The following NRG1 variants were observed in gnomAD, a reference collection of about 807,000 sequenced individuals.
The protein encoded by NRG1 is pro-neuregulin-1, membrane-bound isoform.
NRG1 carries 18 observed loss-of-function variants against 63.8 expected under a neutral mutation model. The observed-to-expected ratio is 0.28, with a 90% CI of 0.19 to 0.42. The LOEUF is 0.42. Ranked by LOEUF, NRG1 falls within the 10% of genes least tolerant of loss-of-function variation. The pLI, the probability that NRG1 is intolerant of heterozygous loss-of-function variation, is 1.00. For missense variants in NRG1, 762 were observed against 814.7 expected (o/e 0.94, Z 0.79); for synonymous variants, 302 against 301.3 (o/e 1.00, Z -0.02).
chr8:31,935,561 A>G (rs1835232929), intron 1 of NRG1, among the ~76,000 whole-genome samples: 1 of 152,116 alleles, frequency 6.6e-6, no homozygotes, highest in African/African-American at 2.4e-5. Flanking sequence ...TCAGCCTCTC[A>G]TTGTTTTCCA....
Position 32,683,887 on chromosome 8 carries a change from G to A in NRG1, c.503-44062G>A, listed in dbSNP as rs67024299. On this transcript the variant is annotated intron_variant, in intron 5 of 11. Transcript: ENST00000356819. ...CCTGAGCTCTTCTAATTTGCTTCTTGAAAAAAAAAAAAAAAAAGAAAATCT... is the reference window on the plus strand; with the variant it reads ...CCTGAGCTCTTCTAATTTGCTTCTTAAAAAAAAAAAAAAAAAAGAAAATCT... Among the ~76,000 whole-genome samples, 307 of 141,788 alleles carry A rather than the reference G, an allele frequency of 2.2e-3. 1 individual carries two copies. The highest frequency in any genetic ancestry group is 4.4e-3 in the African/African-American group (170 of 38,984). 93.0% of individuals were successfully genotyped at this position (141,788 alleles called of 152,430 possible).
At chr8:31,677,214 A>T (rs1020551285) in intron 1 of NRG1, among the ~76,000 whole-genome samples, 8 of 152,188 alleles carry the variant, frequency 5.3e-5, no homozygotes, top group Non-Finnish European at 1.0e-4. Context: ...CGCTTTTGAT[A>T]ATAATTCAAT....
At chr8:32,461,898 C>T (rs1302259154) in intron 1 of NRG1, among the ~76,000 whole-genome samples, 1 of 152,158 alleles carries the variant, frequency 6.6e-6, no homozygotes, top group Non-Finnish European at 1.5e-5. Context: ...GTTTACCTCT[C>T]TAGGCTTCAG....
intron 5 of NRG1, among the ~76,000 whole-genome samples, chr8:32,677,097 T>TAG (rs770133005): frequency 1.1e-4 from 17 of 152,150 alleles, no homozygotes; most frequent in Non-Finnish European, 2.4e-4. Context: ...CTCAAGAGTA[T>TAG]AGAGAGAGAC....
chr8:32,051,292 C>A (rs1299011550), intron 1 of NRG1, among the ~76,000 whole-genome samples: 1 of 152,140 alleles, frequency 6.6e-6, no homozygotes, highest in East Asian at 1.9e-4. Context: ...CCAGTGCATG[C>A]ACTTGGAATC....
At chr8:32,612,583 A>AT (rs1846545715) in intron 3 of NRG1, among the ~76,000 whole-genome samples, 1 of 151,992 alleles carries the variant, frequency 6.6e-6, no homozygotes, top group Admixed American at 6.6e-5. Context: ...CTGTTCTGGT[A>AT]TTTTTAGGTA....
intron 1 of NRG1, among the ~76,000 whole-genome samples, chr8:32,239,563 C>A (rs1211729135): frequency 6.6e-6 from 1 of 151,834 alleles, no homozygotes; most frequent in Non-Finnish European, 1.5e-5. Flanking sequence ...TCAACTGGGA[C>A]CTCATCAAAA....
intron 1 of NRG1, among the ~76,000 whole-genome samples, chr8:31,974,005 T>C (rs549871300): frequency 6.6e-6 from 1 of 152,312 alleles, no homozygotes; most frequent in African/African-American, 2.4e-5. Flanking sequence ...TAAGCACATC[T>C]GGAAAGGTCC....
chr8:31,875,570 G>A (rs1398884882), intron 1 of NRG1, among the ~76,000 whole-genome samples: 1 of 152,092 alleles, frequency 6.6e-6, no homozygotes, highest in Non-Finnish European at 1.5e-5. Context: ...TCGAGGTGGC[G>A]GGCGATGCCT....
intron 1 of NRG1, among the ~76,000 whole-genome samples, chr8:31,789,594 G>T (rs1014894503): frequency 3.3e-5 from 5 of 152,200 alleles, no homozygotes; most frequent in Admixed American, 2.6e-4. Context: ...TCACTTTATA[G>T]TTGAGCCCCG....
chr8:32,285,908 T>C (rs1211160593), intron 1 of NRG1, among the ~76,000 whole-genome samples: 8 of 152,170 alleles, frequency 5.3e-5, no homozygotes, highest in African/African-American at 1.9e-4. Context: ...TACAGACATA[T>C]GCAAGAGAGC....
At chr8:32,675,339 T>A (rs1806801354) in intron 5 of NRG1, among the ~76,000 whole-genome samples, 1 of 152,224 alleles carries the variant, frequency 6.6e-6, no homozygotes, top group African/African-American at 2.4e-5. Context: ...TTTTTAAAAT[T>A]ATAAGCAAAT....
chr8:31,834,558 A>G (rs1825519585), intron 1 of NRG1, among the ~76,000 whole-genome samples: 1 of 152,016 alleles, frequency 6.6e-6, no homozygotes. Context: ...ATAATTTTCT[A>G]AGAATAGCTG....
rs3055550 is a variant in NRG1 at position 32,316,801 on chromosome 8, A to AAAAAT, written c.38-279002_38-278998dup. Among the ~76,000 whole-genome samples the AAAAAT allele has an allele frequency of 1.7e-4, 23 of 131,892 alleles. 1 individual carries two copies. Among genetic ancestry groups the AAAAAT allele is most frequent in the South Asian group, 7.4e-4 (3 of 4,030 alleles). The allele number at this position is 131,892 out of a possible 152,430, so 86.5% of individuals were successfully genotyped here. A position where few individuals can be genotyped will look rare whatever the true frequency, so the allele number is the denominator to read the frequency against. On this transcript the variant is annotated intron_variant, in intron 1 of 10. Coordinates refer to the NRG1 transcript ENST00000519301. ...GGTATGTTCTGACTATCAGCTCCAA[A>AAAAAT]AAAATAAAATAAAATAAAATAAAAT... is the stretch of plus-strand genomic sequence containing the variant.
At chr8:32,305,209 T>C (rs924779786) in intron 1 of NRG1, among the ~76,000 whole-genome samples, 1 of 152,162 alleles carries the variant, frequency 6.6e-6, no homozygotes, top group Non-Finnish European at 1.5e-5. Flanking sequence ...ACTAGTGATA[T>C]ACTATTAAAG....
At chr8:32,383,889 A>T (rs1467036376) in intron 1 of NRG1, among the ~76,000 whole-genome samples, 1 of 152,140 alleles carries the variant, frequency 6.6e-6, no homozygotes, top group Non-Finnish European at 1.5e-5. Context: ...TGGGACTGTA[A>T]TTCTTACTTT....
chr8:32,350,866 C>A (rs931042753), intron 1 of NRG1, among the ~76,000 whole-genome samples: 1 of 152,150 alleles, frequency 6.6e-6, no homozygotes, highest in Non-Finnish European at 1.5e-5. Flanking sequence ...GTAATCACCA[C>A]GTCTGTCCAG....
chr8:32,115,827 A>G (rs1343443267), intron 1 of NRG1, among the ~76,000 whole-genome samples: 2 of 152,168 alleles, frequency 1.3e-5, no homozygotes, highest in Non-Finnish European at 2.9e-5. Flanking sequence ...TTAATTAATC[A>G]TAGAGCCCAA....
At chr8:32,279,085 A>G (rs1852416553) in intron 1 of NRG1, among the ~76,000 whole-genome samples, 2 of 152,154 alleles carry the variant, frequency 1.3e-5, no homozygotes, top group Admixed American at 6.5e-5. Flanking sequence ...TTCTCCCTAT[A>G]CGCAGCCAGC....
Sources: allele counts gnomAD v4.1 joint callset (sites outside exome capture counted in the v4.1 genomes callset), GRCh38; gene constraint gnomAD v4.1.1; transcripts MANE v1.5; gene names NCBI Gene and HGNC (gene_info 2026-07-23, HGNC 2026-07-21).